Variants in DOCK4 observed in about 807,000 individuals in gnomAD.
DOCK4 encodes dedicator of cytokinesis 4, also known as dedicator of cytokinesis protein 4.
Under a neutral mutation model 268.1 loss-of-function variants are expected in DOCK4, and 97 were observed. The ratio of observed to expected loss-of-function variants is 0.36; its 90% CI spans 0.31 to 0.43. The LOEUF (loss-of-function observed/expected upper bound fraction) is 0.43. Among genes scored for constraint, DOCK4 ranks in the 20% least tolerant of loss-of-function variants. The probability of loss-of-function intolerance (pLI) is 1.00; values close to 1 mark genes in which losing one functional copy is unlikely to be tolerated. For synonymous variants in DOCK4, 954 were observed against 887.2 expected (o/e 1.08, Z -1.34); for missense variants, 2,145 against 2,455.7 (o/e 0.87, Z 2.67).
chr7:111,806,552 G>C (rs755294571), intron 30 of DOCK4, among the ~76,000 whole-genome samples: 32 of 152,206 alleles, frequency 2.1e-4, no homozygotes, highest in Non-Finnish European at 4.7e-4. Context: ...TCTGTAAGTT[G>C]AGTATAAAGG....
chr7:111,834,295 T>C (rs1803069824), intron 26 of DOCK4, among the ~76,000 whole-genome samples: 2 of 152,232 alleles, frequency 1.3e-5, no homozygotes, highest in East Asian at 1.9e-4. Context: ...TTAATCTATT[T>C]GTTTTTATCT....
At position 111,739,346 on chromosome 7, in the gene DOCK4, C is replaced by G. The variant is rs1047215411; in HGVS notation, c.5122+50G>C. ...TGGCAGCTGGCCACAGTTCCCAGGA[C>G]TAGAAGGTTCTCTGGGCACCCTCAG... is the stretch of plus-strand genomic sequence containing the variant. On this transcript the variant is annotated intron_variant, in intron 48 of 52. Coordinates refer to ENST00000428084, the MANE Select transcript of DOCK4 (RefSeq NM_001363540.2). 6.3e-6 allele frequency: 10 copies of G among 1,595,116 alleles called. No homozygotes were observed. In the African/African-American group the frequency reaches 1.3e-4, roughly 21 times the overall value.
rs1250020264 is a variant in DOCK4 at position 111,726,955 on chromosome 7, A to G, written c.*1319T>C. 2 of 152,674 alleles carry G rather than the reference A, an allele frequency of 1.3e-5. No homozygotes were observed. Among genetic ancestry groups the G allele is most frequent in the African/African-American group, 4.8e-5 (2 of 41,476 alleles). 9.5% of individuals were successfully genotyped at this position (152,674 alleles called of 1,614,324 possible). A position where few individuals can be genotyped will look rare whatever the true frequency, so the allele number is the denominator to read the frequency against. ...CAGGTAAGCTACCAACAAAACAAAC[A>G]TGGTTAAACTAAAATGAGCTTCCCA... On this transcript the variant is annotated 3_prime_UTR_variant, in exon 53 of 53. Coordinates refer to ENST00000428084, the MANE Select transcript of DOCK4 (RefSeq NM_001363540.2).
chr7:111,940,115 T>C lies in DOCK4; in HGVS notation c.972A>G (p.Val324=), dbSNP rs781200219. ...ACCACGTGCATGTTTCTTACATGTA[T>C]ACTTTCAGAATGAGGTCATCCTTTG... ...GETKDDLILK[V]YMCNTESEWY... is the part of the protein sequence containing the mutation. The change falls in exon 11 of 53, where the codon GTA becomes GTG. Residue 324 remains valine, a synonymous_variant. Coordinates refer to ENST00000428084, the MANE Select transcript of DOCK4 (RefSeq NM_001363540.2). 1.9e-6 allele frequency: 3 copies of C among 1,614,030 alleles called. No homozygotes were observed. Among genetic ancestry groups the C allele is most frequent in the Non-Finnish European group, 2.5e-6 (3 of 1,179,890 alleles).
At chr7:111,779,665 C>T (rs1302554273) in intron 35 of DOCK4, among the ~76,000 whole-genome samples, 1 of 152,118 alleles carries the variant, frequency 6.6e-6, no homozygotes, top group Non-Finnish European at 1.5e-5. Flanking sequence ...AGTGCTGATG[C>T]CACTGGGATC....
chr7:111,885,177 T>C (rs556218786), intron 16 of DOCK4, among the ~76,000 whole-genome samples: 1 of 152,310 alleles, frequency 6.6e-6, no homozygotes, highest in Admixed American at 6.5e-5. Context: ...GTTGGGTGCT[T>C]AAATGCCTAA....
At chr7:112,175,891 T>C (rs1818469247) in intron 1 of DOCK4, among the ~76,000 whole-genome samples, 1 of 152,170 alleles carries the variant, frequency 6.6e-6, no homozygotes, top group African/African-American at 2.4e-5. Flanking sequence ...TATAATAACT[T>C]TCCTCTATAG....
At chr7:111,874,915 T>A (rs1478606466) in intron 17 of DOCK4, among the ~76,000 whole-genome samples, 1 of 152,216 alleles carries the variant, frequency 6.6e-6, no homozygotes, top group African/African-American at 2.4e-5. Context: ...AGAGACCATA[T>A]CACTTAGTAA....
chr7:111,743,641 C>T (rs1476789347), intron 44 of DOCK4, among the ~76,000 whole-genome samples: 1 of 152,078 alleles, frequency 6.6e-6, no homozygotes, highest in Admixed American at 6.6e-5. Flanking sequence ...GTTGGGTTCT[C>T]TGGGAAGTAG....
At chr7:112,162,110 T>G (rs1817181412) in intron 1 of DOCK4, among the ~76,000 whole-genome samples, 1 of 152,228 alleles carries the variant, frequency 6.6e-6, no homozygotes, top group African/African-American at 2.4e-5. Flanking sequence ...CAATTTTTAT[T>G]TTGCGTATTC....
chr7:111,922,041 A>G (rs1179696721), intron 12 of DOCK4, among the ~76,000 whole-genome samples: 1 of 152,232 alleles, frequency 6.6e-6, no homozygotes, highest in Non-Finnish European at 1.5e-5. Context: ...TGAGAAATAC[A>G]AATAGACGAT....
At chr7:111,945,492 G>T (rs554007925) in intron 9 of DOCK4, among the ~76,000 whole-genome samples, 68 of 152,278 alleles carry the variant, frequency 4.5e-4, no homozygotes, top group African/African-American at 1.5e-3. Context: ...CGCAATCACT[G>T]TTATACTTTG....
Position 112,064,966 on chromosome 7 carries a change from C to T in DOCK4, c.38-60835G>A, listed in dbSNP as rs544740944. Among the ~76,000 whole-genome samples the T allele has an allele frequency of 7.9e-5, 12 of 152,290 alleles. No individual in the cohort carries two copies. The South Asian group carries it at 1.5e-3, about 18-fold the overall frequency. On this transcript the variant is annotated intron_variant, in intron 1 of 52. Transcript: ENST00000428084. ...AAACCAAACCTGCTGGCACTTTGAT[C>T]TTGGACTTCTAGCTTCTAGAACTGT... is the stretch of plus-strand genomic sequence containing the variant.
At chr7:112,163,881 T>A (rs1203927393) in intron 1 of DOCK4, among the ~76,000 whole-genome samples, 1 of 152,192 alleles carries the variant, frequency 6.6e-6, no homozygotes, top group African/African-American at 2.4e-5. Flanking sequence ...CACATTGATA[T>A]GTGTCTAGCA....
chr7:111,778,092 C>T (rs1032673085), intron 36 of DOCK4, among the ~76,000 whole-genome samples, 184 bp downstream of exon 36: 1 of 152,068 alleles, frequency 6.6e-6, no homozygotes, highest in Non-Finnish European at 1.5e-5. Flanking sequence ...GTCAAACAAC[C>T]TACATGTATG....
At position 111,790,528 on chromosome 7, in the gene DOCK4, G is replaced by A. The variant is rs780104898; in HGVS notation, c.3244C>T (p.Arg1082Trp). 7 of 1,613,720 alleles carry A rather than the reference G, an allele frequency of 4.3e-6. No homozygotes were observed. Among genetic ancestry groups the A allele is most frequent in the East Asian group, 2.2e-5 (1 of 44,868 alleles). The change falls in exon 31 of 53, where the codon CGG becomes TGG. Residue 1082 changes from arginine to tryptophan, a missense_variant. Physicochemically the swap from Arg to Trp is moderately radical, Grantham distance 101. This residue lies in a region of DOCK4 where 1,598 missense variants were observed against 1,986.7 expected (regional missense o/e 0.80). Transcript: ENST00000428084. The stretch of plus-strand genomic sequence containing the variant: ...TGAAAAATTGGAATCATGACATTCC[G>A]AAGATCTGGCTGGGGTATCAAGGTC... ...EVTLIPQPDL[R>W]NVMIPIFHDM...
At chr7:112,039,029 A>C (rs1804109649) in intron 1 of DOCK4, among the ~76,000 whole-genome samples, 2 of 152,190 alleles carry the variant, frequency 1.3e-5, no homozygotes, top group Admixed American at 6.6e-5. Flanking sequence ...CACAGTACAA[A>C]GTGAATAACA....
intron 1 of DOCK4, among the ~76,000 whole-genome samples, chr7:112,183,969 C>T (rs569300458): frequency 1.3e-5 from 2 of 152,262 alleles, no homozygotes; most frequent in East Asian, 3.9e-4. Context: ...CCAGGATGCA[C>T]GCACCTGCCC....
intron 8 of DOCK4, among the ~76,000 whole-genome samples, chr7:111,959,799 C>T (rs1418365755): frequency 1.3e-5 from 2 of 152,168 alleles, no homozygotes; most frequent in African/African-American, 2.4e-5. Flanking sequence ...TTCCTTGTGA[C>T]ACAGAATTCT....
Sources: allele counts gnomAD v4.1 joint callset (sites outside exome capture counted in the v4.1 genomes callset), GRCh38; gene constraint gnomAD v4.1.1; regional missense constraint gnomAD v4.1.1; transcripts MANE v1.5; gene names NCBI Gene and HGNC (gene_info 2026-07-23, HGNC 2026-07-21).